The following MGAT4A variants were observed in gnomAD, a reference collection of about 807,000 sequenced individuals.
The protein encoded by MGAT4A is N-acetylglucosaminyltransferase IVa.
A neutral mutation model predicts 74.1 loss-of-function variants in MGAT4A; 33 were observed. That is an observed-to-expected ratio of 0.45 (90% CI 0.34 to 0.60). The LOEUF (loss-of-function observed/expected upper bound fraction) is 0.60, where lower values mean the gene tolerates loss of function less well. MGAT4A is among the 20% of genes least tolerant of loss of function. The pLI, the probability that MGAT4A is intolerant of heterozygous loss-of-function variation, is 0.02. For missense variants in MGAT4A, 479 were observed against 628.3 expected, an observed-to-expected ratio of 0.76 and a Z score of 2.54; for synonymous variants, 198 against 210.4, an observed-to-expected ratio of 0.94 and a Z score of 0.51.
intron 2 of MGAT4A, among the ~76,000 whole-genome samples, chr2:98,684,873 CTTTA>C (rs1702107894): frequency 1.3e-5 from 2 of 152,132 alleles, no homozygotes; most frequent in South Asian, 4.1e-4. Flanking sequence ...TAAACCCACT[CTTTA>C]TTTCTTAATT....
Position 98,674,920 on chromosome 2 carries a change from G to A in MGAT4A, c.403+115C>T, listed in dbSNP as rs78800808. 3.4e-5 allele frequency: 36 copies of A among 1,051,876 alleles called. No homozygotes were observed. In the East Asian group the frequency reaches 8.6e-4, roughly 25 times the overall value. 65.2% of individuals were successfully genotyped at this position (1,051,876 alleles called of 1,614,324 possible). A position where few individuals can be genotyped will look rare whatever the true frequency, so the allele number is the denominator to read the frequency against. ...AGTTTAGAATGATCTGATGTGCACAGATAAAGAAAGAACTTTCATTTTTTG... is the reference window on the plus strand; with the variant it reads ...AGTTTAGAATGATCTGATGTGCACAAATAAAGAAAGAACTTTCATTTTTTG... On this transcript the variant is annotated intron_variant, in intron 4 of 15. Transcript: ENST00000393487.
At chr2:98,635,505 T>C (rs574596801) in intron 13 of MGAT4A, among the ~76,000 whole-genome samples, 1 of 152,280 alleles carries the variant, frequency 6.6e-6, no homozygotes, top group South Asian at 2.1e-4. Flanking sequence ...ATATTGGTGG[T>C]TGGAAATGAA....
chr2:98,699,011 T>A (rs930614468), intron 2 of MGAT4A, among the ~76,000 whole-genome samples: 29 of 152,302 alleles, frequency 1.9e-4, no homozygotes, highest in African/African-American at 6.7e-4. Flanking sequence ...CCTAAGACTA[T>A]CCCCAGGTTC....
chr2:98,687,236 T>C (rs142686340), intron 2 of MGAT4A, among the ~76,000 whole-genome samples: 81 of 150,756 alleles, frequency 5.4e-4, no homozygotes, highest in Middle Eastern at 3.4e-3. Context: ...AGCATTAGAA[T>C]TCTAATGTAG....
chr2:98,621,273 T>G lies in MGAT4A; in HGVS notation c.*4293A>C. The G allele has an allele frequency of 8.6e-7, 1 of 1,168,892 alleles. No individual in the cohort carries two copies. Among genetic ancestry groups the G allele is most frequent in the Non-Finnish European group, 1.2e-6 (1 of 863,098 alleles). 72.4% of individuals were successfully genotyped at this position (1,168,892 alleles called of 1,614,324 possible). On this transcript the variant is annotated 3_prime_UTR_variant, in exon 16 of 16. Transcript: ENST00000393487. ...GCCAGGCTGGGTCTTATCTGGAGAC[T>G]GGAGATGAATGCCTTTCCAAGCCTA...
chr2:98,658,085 AT>A, intron 6 of MGAT4A, 132 bp downstream of exon 6: 1 of 631,144 alleles, frequency 1.6e-6, no homozygotes, highest in Non-Finnish European at 2.8e-6. Context: ...TCAAATACCA[AT>A]CAGAGGTGAT....
At chr2:98,683,151 C>T (rs1702086885) in intron 2 of MGAT4A, among the ~76,000 whole-genome samples, 6 of 151,616 alleles carry the variant, frequency 4.0e-5, no homozygotes, top group Admixed American at 3.9e-4. Context: ...TCAAGGTCAT[C>T]AAAGACAAAG....
intron 15 of MGAT4A, 45 bp from the exon 16 acceptor site, chr2:98,625,637 C>G (rs760828747): frequency 6.4e-6 from 10 of 1,573,986 alleles, no homozygotes; most frequent in Non-Finnish European, 8.7e-6. Context: ...TGTTAATTCT[C>G]AATTCCAAAA....
At chr2:98,727,083 G>T (rs72956632) in intron 1 of MGAT4A, among the ~76,000 whole-genome samples, 3,438 of 152,306 alleles carry the variant, frequency 0.023, 125 homozygotes, top group African/African-American at 0.079. Context: ...TTCACAAAAT[G>T]AGGTAACAAT....
chr2:98,660,418 G>GCACACA (rs534943882), intron 5 of MGAT4A, among the ~76,000 whole-genome samples: 22,316 of 141,106 alleles, frequency 0.16, 2,172 homozygotes, highest in Non-Finnish European at 0.22. Context: ...ACACGCACGC[G>GCACACA]CACACACACA....
At chr2:98,691,994 T>G (rs1256371273) in intron 2 of MGAT4A, among the ~76,000 whole-genome samples, 1 of 152,148 alleles carries the variant, frequency 6.6e-6, no homozygotes, top group African/African-American at 2.4e-5. Context: ...AAACAAAATA[T>G]TTTATGTGGT....
At position 98,624,935 on chromosome 2, in the gene MGAT4A, AT is replaced by A; in HGVS notation, c.*630del. The A allele has an allele frequency of 1.0e-6, 1 of 985,128 alleles. No homozygotes were observed. Among genetic ancestry groups the A allele is most frequent in the Non-Finnish European group, 1.2e-6 (1 of 829,276 alleles). 61.0% of individuals were successfully genotyped at this position (985,128 alleles called of 1,614,324 possible). ...ATTATAAAAGTACTTCAATTAAGAA[AT>A]CCATCTATAATCAATCTTAAATGGC... On this transcript the variant is annotated 3_prime_UTR_variant, in exon 16 of 16. Transcript: ENST00000393487.
intron 2 of MGAT4A, among the ~76,000 whole-genome samples, chr2:98,689,903 C>T (rs1487597087): frequency 2.6e-5 from 4 of 152,070 alleles, no homozygotes; most frequent in Non-Finnish European, 5.9e-5. Flanking sequence ...GTCACTGGGA[C>T]CCAAGAAACA....
intron 2 of MGAT4A, among the ~76,000 whole-genome samples, chr2:98,704,065 A>G (rs1702388057): frequency 6.6e-6 from 1 of 152,212 alleles, no homozygotes; most frequent in Admixed American, 6.5e-5. Context: ...CTCTGTAAGT[A>G]GGGTCTGTAT....
intron 2 of MGAT4A, among the ~76,000 whole-genome samples, chr2:98,715,840 G>A (rs1284262911): frequency 6.6e-6 from 1 of 152,222 alleles, no homozygotes; most frequent in East Asian, 1.9e-4. Context: ...GTTAACGTTT[G>A]TAGGTAAAAG....
intron 4 of MGAT4A, among the ~76,000 whole-genome samples, chr2:98,672,036 C>T (rs547458908): frequency 6.7e-5 from 10 of 149,340 alleles, no homozygotes; most frequent in Non-Finnish European, 1.3e-4. Flanking sequence ...AGGACTTCTG[C>T]CTTCCCAAAC....
At chr2:98,691,567 C>G (rs959317053) in intron 2 of MGAT4A, among the ~76,000 whole-genome samples, 6 of 152,234 alleles carry the variant, frequency 3.9e-5, no homozygotes, top group African/African-American at 1.2e-4. Context: ...AAACCTACTG[C>G]ACTGCCAGTC....
At chr2:98,707,223 A>T (rs987748972) in intron 2 of MGAT4A, among the ~76,000 whole-genome samples, 23 of 152,122 alleles carry the variant, frequency 1.5e-4, no homozygotes, top group Non-Finnish European at 2.8e-4. Flanking sequence ...CCATTTTTTT[A>T]AAAAATGAAA....
At position 98,621,336 on chromosome 2, in the gene MGAT4A, G is replaced by A; in HGVS notation, c.*4230C>T. 1 of 1,493,402 alleles carries A rather than the reference G, an allele frequency of 6.7e-7. No individual in the cohort carries two copies. The highest frequency in any genetic ancestry group is 1.3e-5 in the South Asian group (1 of 76,058). 92.5% of individuals were successfully genotyped at this position (1,493,402 alleles called of 1,614,324 possible). The stretch of plus-strand genomic sequence containing the variant: ...TGGGCTGAATTCAGTTCCCGTGGCT[G>A]TAGGACTGCAGTTCCCAGCTCCTTT... On this transcript the variant is annotated 3_prime_UTR_variant, in exon 16 of 16. Coordinates refer to ENST00000393487, the MANE Select transcript of MGAT4A (RefSeq NM_012214.3).
Sources: allele counts gnomAD v4.1 joint callset (sites outside exome capture counted in the v4.1 genomes callset), GRCh38; gene constraint gnomAD v4.1.1; transcripts MANE v1.5; gene names NCBI Gene and HGNC (gene_info 2026-07-23, HGNC 2026-07-21).